PARD3: variants seen among roughly 807,000 people sequenced by gnomAD.
The protein encoded by PARD3 is par-3 family cell polarity regulator.
Under a neutral mutation model 155.4 loss-of-function variants are expected in PARD3, and 75 were observed. That is an observed-to-expected ratio of 0.48 (90% CI 0.40 to 0.58). The LOEUF is 0.58. PARD3 is among the 20% of genes least tolerant of loss of function. The probability of loss-of-function intolerance (pLI) is 0.00; values close to 1 mark genes in which losing one functional copy is unlikely to be tolerated. For synonymous variants in PARD3, 576 were observed against 610.5 expected (o/e 0.94, Z 0.83); for missense variants, 1,642 against 1,721.7 (o/e 0.95, Z 0.82).
At chr10:34,807,677 C>T (rs1036958265) in intron 1 of PARD3, among the ~76,000 whole-genome samples, 2 of 130,990 alleles carry the variant, frequency 1.5e-5, no homozygotes, top group Admixed American at 1.5e-4. Context: ...CTCTTGTGTG[C>T]TTGTGTGTGT....
chr10:34,383,181 A>T lies in PARD3; in HGVS notation c.1017-259T>A, dbSNP rs530239092. ...ACTACAGATAAAATTCTGTCCTCTC[A>T]ACTGTAAATCATTAAACATGTTTTA... On this transcript the variant is annotated intron_variant, in intron 8 of 24. Transcript: ENST00000374788. 6.6e-5 allele frequency among the ~76,000 whole-genome samples: 10 copies of T among 152,306 alleles called. No individual in the cohort carries two copies. The East Asian group carries it at 1.9e-3, about 29-fold the overall frequency.
At chr10:34,422,885 A>G (rs2075394037) in intron 5 of PARD3, among the ~76,000 whole-genome samples, 1 of 152,182 alleles carries the variant, frequency 6.6e-6, no homozygotes, top group Admixed American at 6.6e-5. Context: ...TTCTTCAAAA[A>G]GTTAAAAATA....
chr10:34,445,336 T>C (rs1019228860), intron 5 of PARD3, among the ~76,000 whole-genome samples: 1 of 152,244 alleles, frequency 6.6e-6, no homozygotes. Context: ...GGGAGTTTTG[T>C]TTTGTTTCTG....
rs1318143664 is a variant in PARD3, at chr10:34,738,426, C to G, written c.121-42007G>C. 2.6e-5 allele frequency among the ~76,000 whole-genome samples: 4 copies of G among 152,238 alleles called. No individual in the cohort carries two copies. In the East Asian group the frequency reaches 7.7e-4, roughly 29 times the overall value. The stretch of plus-strand genomic sequence containing the variant: ...TCCTGGCCTCAAGGGATCTTCTCGT[C>G]TTGGGGTCCCCCCAAAGTGCTGGGG... On this transcript the variant is annotated intron_variant, in intron 1 of 24. Coordinates refer to ENST00000374788, the MANE Select transcript of PARD3 (RefSeq NM_001184785.2).
intron 2 of PARD3, among the ~76,000 whole-genome samples, chr10:34,673,855 G>A (rs2093650876): frequency 1.3e-5 from 2 of 152,240 alleles, no homozygotes; most frequent in Non-Finnish European, 2.9e-5. Context: ...GCCAGGCATA[G>A]TGAAGCATGC....
At position 34,269,852 on chromosome 10, in the gene PARD3, C is replaced by A. The variant is rs779416026; in HGVS notation, c.3224G>T (p.Arg1075Leu). The change falls in exon 22 of 25, where the codon CGT becomes CTT. Residue 1075 changes from arginine (R) to leucine (L), a missense_variant. By Grantham distance (102) the Arg-to-Leu change is moderately radical (BLOSUM62 -2). Transcript: ENST00000374788. ...REFRERQARE[R>L]DYAEIQDFHR... ...AAAATCTTGAATTTCAGCATAGTCA[C>A]GCTCTCGAGCTTGTCGTTCCCTAAA... 4 of 1,613,700 alleles carry A rather than the reference C, an allele frequency of 2.5e-6. No individual in the cohort carries two copies. The Admixed American group carries it at 5.0e-5, about 20-fold the overall frequency.
At chr10:34,594,143 T>C (rs886781440) in intron 2 of PARD3, among the ~76,000 whole-genome samples, 2 of 152,190 alleles carry the variant, frequency 1.3e-5, no homozygotes, top group African/African-American at 2.4e-5. Context: ...ATTACTGTAA[T>C]AGTCAATCAT....
chr10:34,348,682 A>T (rs1837682698), intron 14 of PARD3, among the ~76,000 whole-genome samples: 1 of 152,230 alleles, frequency 6.6e-6, no homozygotes, highest in Admixed American at 6.5e-5. Context: ...CTAGAAATTA[A>T]GAATAATCAT....
At chr10:34,380,125 ACATT>A (rs1323176527) in intron 9 of PARD3, among the ~76,000 whole-genome samples, 1 of 152,132 alleles carries the variant, frequency 6.6e-6, no homozygotes, top group African/African-American at 2.4e-5. Flanking sequence ...CAATTCTCCT[ACATT>A]CATTATTATT....
chr10:34,248,852 C>A (rs903769965), intron 22 of PARD3, among the ~76,000 whole-genome samples: 1 of 152,242 alleles, frequency 6.6e-6, no homozygotes, highest in African/African-American at 2.4e-5. Flanking sequence ...CCAACACACA[C>A]ACACACAAAG....
At chr10:34,657,086 T>C (rs2093189713) in intron 2 of PARD3, among the ~76,000 whole-genome samples, 1 of 152,196 alleles carries the variant, frequency 6.6e-6, no homozygotes, top group African/African-American at 2.4e-5. Flanking sequence ...AGGTCTGTTC[T>C]AGCCTTGGCA....
chr10:34,784,137 G>C (rs1000756446), intron 1 of PARD3, among the ~76,000 whole-genome samples: 8 of 152,104 alleles, frequency 5.3e-5, no homozygotes, highest in Non-Finnish European at 8.8e-5. Context: ...CTAGAGCTGG[G>C]GTGGTGGAGG....
intron 23 of PARD3, among the ~76,000 whole-genome samples, chr10:34,122,448 T>A (rs764559631): frequency 9.2e-5 from 14 of 152,222 alleles, no homozygotes; most frequent in Non-Finnish European, 1.8e-4. Flanking sequence ...TACATTCCAA[T>A]GATGACATTA....
At chr10:34,487,922 G>A (rs2079581139) in intron 3 of PARD3, among the ~76,000 whole-genome samples, 1 of 152,058 alleles carries the variant, frequency 6.6e-6, no homozygotes, top group South Asian at 2.1e-4. Context: ...AATGCTCAAT[G>A]CCCTCTCCTT....
At chr10:34,315,052 A>T (rs1404282727) in intron 20 of PARD3, among the ~76,000 whole-genome samples, 1 of 152,216 alleles carries the variant, frequency 6.6e-6, no homozygotes, top group East Asian at 1.9e-4. Flanking sequence ...GGGGGAAAAA[A>T]AAACCTTCAG....
At chr10:34,617,699 A>G (rs370852567) in intron 2 of PARD3, among the ~76,000 whole-genome samples, 6 of 152,344 alleles carry the variant, frequency 3.9e-5, no homozygotes, top group South Asian at 4.1e-4. Flanking sequence ...ATTATTTCTC[A>G]AATTAAAAGC....
At chr10:34,350,104 A>G (rs1284206124) in intron 14 of PARD3, among the ~76,000 whole-genome samples, 24 of 152,254 alleles carry the variant, frequency 1.6e-4, no homozygotes, top group Admixed American at 1.6e-3. Context: ...TAAATATTTA[A>G]CAGAAGATAC....
chr10:34,732,222 C>T (rs778491770), intron 1 of PARD3, among the ~76,000 whole-genome samples: 2 of 152,076 alleles, frequency 1.3e-5, no homozygotes, highest in Non-Finnish European at 2.9e-5. Context: ...ACAAAACAGT[C>T]ACATTAACAA....
intron 15 of PARD3, 57 bp from the exon 16 acceptor site, chr10:34,341,873 CTATT>C: frequency 9.4e-7 from 1 of 1,065,344 alleles, no homozygotes; most frequent in Non-Finnish European, 1.4e-6. Context: ...AGTGTTACAT[CTATT>C]AATTTTAATA....
Sources: gnomAD v4.1 joint callset for allele counts (sites outside exome capture counted in the v4.1 genomes callset) on GRCh38, gnomAD v4.1.1 for gene constraint, MANE v1.5 for transcripts, NCBI Gene and HGNC (gene_info 2026-07-23, HGNC 2026-07-21) for gene names.